Variants in SEMA3A observed in about 807,000 individuals in gnomAD.
SEMA3A encodes semaphorin 3A.
SEMA3A carries 29 observed loss-of-function variants against 97.9 expected under a neutral mutation model. That is an observed-to-expected ratio of 0.30 (90% CI 0.22 to 0.40). SEMA3A has a LOEUF of 0.40. Among genes scored for constraint, SEMA3A ranks in the 10% least tolerant of loss-of-function variants. SEMA3A has a pLI of 1.00. For synonymous variants in SEMA3A, 321 were observed against 323.7 expected, an observed-to-expected ratio of 0.99 and a Z score of 0.09; for missense variants, 763 against 951.3, an observed-to-expected ratio of 0.80 and a Z score of 2.60.
intron 3 of SEMA3A, among the ~76,000 whole-genome samples, chr7:84,242,812 A>C (rs1364289161): frequency 1.3e-5 from 2 of 152,150 alleles, no homozygotes; most frequent in Non-Finnish European, 2.9e-5. Flanking sequence ...ATGTTCTATC[A>C]ATACCTAGTT....
At chr7:84,072,366 T>C (rs1172678060) in intron 4 of SEMA3A, among the ~76,000 whole-genome samples, 2 of 152,224 alleles carry the variant, frequency 1.3e-5, no homozygotes, top group East Asian at 1.9e-4. Context: ...ATTAATGTAA[T>C]GTCTCTCCTG....
chr7:84,331,049 A>G (rs1164984171), intron 2 of SEMA3A, among the ~76,000 whole-genome samples: 2 of 152,154 alleles, frequency 1.3e-5, no homozygotes, highest in African/African-American at 4.8e-5. Flanking sequence ...GTCATGACCT[A>G]TGTAGAAATG....
intron 3 of SEMA3A, among the ~76,000 whole-genome samples, chr7:84,247,206 G>A (rs1038616872): frequency 4.6e-5 from 7 of 152,086 alleles, no homozygotes; most frequent in South Asian, 2.1e-4. Flanking sequence ...AGTTATGTAG[G>A]TGAATTAGTT....
intron 3 of SEMA3A, among the ~76,000 whole-genome samples, chr7:84,262,591 C>T (rs906161562): frequency 6.6e-6 from 1 of 152,088 alleles, no homozygotes; most frequent in Non-Finnish European, 1.5e-5. Context: ...ACTCTTTTGC[C>T]TTAAATTACT....
chr7:84,288,420 G>T (rs1384725740), intron 3 of SEMA3A, among the ~76,000 whole-genome samples: 4 of 152,126 alleles, frequency 2.6e-5, no homozygotes, highest in Non-Finnish European at 2.9e-5. Flanking sequence ...TTTTATAAAT[G>T]AACACAATGA....
intron 3 of SEMA3A, among the ~76,000 whole-genome samples, chr7:84,239,703 A>G (rs1799315566): frequency 6.6e-6 from 1 of 152,162 alleles, no homozygotes; most frequent in South Asian, 2.1e-4. Flanking sequence ...GATCTGATAC[A>G]CTAAATTAGA....
chr7:84,453,338 G>C (rs894260235), intron 1 of SEMA3A, among the ~76,000 whole-genome samples: 4 of 151,024 alleles, frequency 2.6e-5, no homozygotes, highest in African/African-American at 9.7e-5. Flanking sequence ...TGGGGTTCAC[G>C]CCATTCTCCT....
At chr7:84,206,321 T>C (rs899589084) in intron 3 of SEMA3A, among the ~76,000 whole-genome samples, 4 of 78,732 alleles carry the variant, frequency 5.1e-5, no homozygotes, top group African/African-American at 2.8e-4. Context: ...CAAGATGGCA[T>C]TTTTTTTTTT....
intron 3 of SEMA3A, among the ~76,000 whole-genome samples, chr7:84,305,274 G>C (rs1173365098): frequency 1.4e-5 from 2 of 148,072 alleles, no homozygotes; most frequent in East Asian, 3.9e-4. Context: ...TAGATAAAAT[G>C]AAGGTCTGAT....
At chr7:84,069,641 T>G (rs1474688438) in intron 4 of SEMA3A, among the ~76,000 whole-genome samples, 1 of 152,126 alleles carries the variant, frequency 6.6e-6, no homozygotes, top group African/African-American at 2.4e-5. Flanking sequence ...AAAAAGTACA[T>G]TATTTTTCTA....
intron 3 of SEMA3A, 46 bp downstream of exon 3, chr7:84,129,077 T>G: frequency 1.4e-6 from 2 of 1,425,832 alleles, no homozygotes; most frequent in Non-Finnish European, 2.0e-6. Flanking sequence ...GCATTTTGAA[T>G]GAAGGATACT....
chr7:84,195,686 A>G (rs1798208976), upstream of SEMA3A, among the ~76,000 whole-genome samples: 1 of 152,208 alleles, frequency 6.6e-6, no homozygotes, highest in Non-Finnish European at 1.5e-5. Context: ...CTCAGAATTT[A>G]AAAACGTCTA....
At chr7:84,412,248 A>G (rs1184872917) in intron 1 of SEMA3A, among the ~76,000 whole-genome samples, 1 of 152,164 alleles carries the variant, frequency 6.6e-6, no homozygotes, top group African/African-American at 2.4e-5. Context: ...TGGATCAAGC[A>G]GGGTCAGATT....
chr7:84,258,844 A>G (rs514083), intron 3 of SEMA3A, among the ~76,000 whole-genome samples: 107,711 of 151,892 alleles, frequency 0.71, 38,407 homozygotes, highest in East Asian at 0.79. Flanking sequence ...AGGTACTGCT[A>G]TAGGAAACTT....
At chr7:84,391,597 ATC>A (rs1407802040) in intron 1 of SEMA3A, among the ~76,000 whole-genome samples, 1 of 152,156 alleles carries the variant, frequency 6.6e-6, no homozygotes, top group Non-Finnish European at 1.5e-5. Flanking sequence ...TGCTGTTATT[ATC>A]TAGCAGGGTA....
chr7:84,037,462 G>A (rs1423784352), intron 6 of SEMA3A, among the ~76,000 whole-genome samples: 1 of 151,752 alleles, frequency 6.6e-6, no homozygotes, highest in African/African-American at 2.4e-5. Context: ...CAAGTAACTG[G>A]GACTACAGAT....
chr7:84,355,664 G>C (rs951639757), intron 2 of SEMA3A, among the ~76,000 whole-genome samples: 3 of 151,660 alleles, frequency 2.0e-5, no homozygotes, highest in African/African-American at 7.3e-5. Context: ...TAATTTCTCA[G>C]TCTAATCTAT....
chr7:84,052,871 C>G (rs971185354), intron 5 of SEMA3A, among the ~76,000 whole-genome samples: 2 of 151,752 alleles, frequency 1.3e-5, no homozygotes, highest in South Asian at 4.2e-4. Flanking sequence ...TTTCCCTCTA[C>G]ACATCACTTT....
chr7:84,281,184 A>T (rs533042339), intron 3 of SEMA3A, among the ~76,000 whole-genome samples: 2 of 152,258 alleles, frequency 1.3e-5, no homozygotes, highest in East Asian at 3.9e-4. Context: ...GTGAAGGTTC[A>T]TCTCTAGGAT....
Sources: allele counts gnomAD v4.1 joint callset (sites outside exome capture counted in the v4.1 genomes callset), GRCh38; gene constraint gnomAD v4.1.1; transcripts MANE v1.5; gene names NCBI Gene and HGNC (gene_info 2026-07-23, HGNC 2026-07-21).